The following KDM5A variants were observed in gnomAD, a reference collection of about 807,000 sequenced individuals.
KDM5A encodes lysine-specific demethylase 5A.
In KDM5A, 42 loss-of-function variants were observed where a neutral mutation model predicts 193.5. That is an observed-to-expected ratio of 0.22 (90% CI 0.17 to 0.28). The LOEUF is 0.28. Among genes scored for constraint, KDM5A ranks in the 10% least tolerant of loss-of-function variants. The pLI is 1.00. For missense variants in KDM5A, 1,692 were observed against 2,055.1 expected (o/e 0.82, Z 3.42); for synonymous variants, 796 against 718.1 (o/e 1.11, Z -1.73).
chr12:319,320 G>A (rs566134570), intron 18 of KDM5A, among the ~76,000 whole-genome samples: 1 of 152,224 alleles, frequency 6.6e-6, no homozygotes, highest in Non-Finnish European at 1.5e-5. Flanking sequence ...TTCCAGTGGT[G>A]TAGAGCATAG....
At position 331,230 on chromosome 12, in the gene KDM5A, C is replaced by T. The variant is rs75067276; in HGVS notation, c.1773+589G>A. ...TTGAAATTATCTGTATAAGCCTGAT[C>T]ACCTTAATAAGTCCCAAAATGCTCA... On this transcript the variant is annotated intron_variant, in intron 13 of 27. Transcript: ENST00000399788. Among the ~76,000 whole-genome samples, 355 of 152,210 alleles carry T rather than the reference C, an allele frequency of 2.3e-3. 2 individuals are homozygous for T. Among genetic ancestry groups the T allele is most frequent in the African/African-American group, 5.8e-3 (242 of 41,540 alleles).
At position 283,658 on chromosome 12, in the gene KDM5A, G is replaced by A. The variant is rs1943181883; in HGVS notation, c.*1798C>T. 4.3e-6 allele frequency: 1 copy of A among 232,862 alleles called. No individual in the cohort carries two copies. Among genetic ancestry groups the A allele is most frequent in the Non-Finnish European group, 8.5e-6 (1 of 117,796 alleles). The allele number at this position is 232,862 out of a possible 1,614,324, so 14.4% of individuals were successfully genotyped here. A position where few individuals can be genotyped will look rare whatever the true frequency, so the allele number is the denominator to read the frequency against. ...GAAGACAGTTCTTTAAAAGAGACTG[G>A]GGCAAAAAGGGAAGAGGAAACTATA... On this transcript the variant is annotated 3_prime_UTR_variant, in exon 28 of 28. Transcript: ENST00000399788.
rs1328960425 is a variant in KDM5A at position 322,510 on chromosome 12, T to G, written c.2333A>C (p.Asn778Thr). Residue 778 changes from asparagine (N) to threonine (T), a missense_variant, in exon 17 of 28, where the codon AAT (asparagine) becomes ACT (threonine). This residue lies in a region of KDM5A where 965 missense variants were observed against 1,061.0 expected (regional missense o/e 0.91). Transcript: ENST00000399788. ...EDAEDRKYPE[N>T]DLFRKLRDAV... is the part of the protein sequence containing the mutation. ...ATCCCTGAGTTTTCGAAAGAGATCA[T>G]TCTCTGGGTATTTCCTATCCTCAGC... 7 of 1,612,932 alleles carry G rather than the reference T, an allele frequency of 4.3e-6. No individual in the cohort carries two copies. In the African/African-American group the frequency reaches 9.3e-5, roughly 22 times the overall value.
intron 3 of KDM5A, among the ~76,000 whole-genome samples, chr12:377,540 CCAA>C (rs1294231661): frequency 6.6e-6 from 1 of 152,006 alleles, no homozygotes; most frequent in African/African-American, 2.4e-5. Flanking sequence ...GTTCTTCTCA[CCAA>C]CAAGACAATG....
intron 15 of KDM5A, 83 bp from the exon 16 acceptor site, chr12:323,289 T>G: frequency 3.6e-6 from 5 of 1,397,840 alleles, no homozygotes; most frequent in Non-Finnish European, 4.8e-6. Context: ...AAAAATAAAG[T>G]TTTAAATATA....
rs1044686858 is a variant in KDM5A, at chr12:283,267, T to G, written c.*2189A>C. The G allele has an allele frequency of 8.6e-6, 2 of 231,886 alleles. No individual in the cohort carries two copies. The highest frequency in any genetic ancestry group is 1.7e-5 in the Non-Finnish European group (2 of 116,988). The allele number at this position is 231,886 out of a possible 1,614,324, so 14.4% of individuals were successfully genotyped here. On this transcript the variant is annotated 3_prime_UTR_variant, in exon 28 of 28. Transcript: ENST00000399788. ...GCAAAAAATATTGTGCTTTCTTGTA[T>G]AACATCAACCAGAGGAAATTCTTAA...
Position 361,199 on chromosome 12 carries a change from T to C in KDM5A, c.672+1764A>G, listed in dbSNP as rs942289750. Among the ~76,000 whole-genome samples, 4 of 132,734 alleles carry C rather than the reference T, an allele frequency of 3.0e-5. No individual in the cohort carries two copies. The Admixed American group carries it at 3.5e-4, about 12-fold the overall frequency. 87.1% of individuals were successfully genotyped at this position (132,734 alleles called of 152,430 possible). On this transcript the variant is annotated intron_variant, in intron 5 of 27. Transcript: ENST00000399788. ...GCATTCCATGCAGCACCCCCCTCCA[T>C]TTTTTTTTTTCTGGAGACGGAGTCT...
At chr12:317,734 G>T (rs571092104) in intron 19 of KDM5A, among the ~76,000 whole-genome samples, 2 of 152,020 alleles carry the variant, frequency 1.3e-5, no homozygotes, top group South Asian at 2.1e-4. Flanking sequence ...TACCCCATGC[G>T]TGGGTCCAGA....
At chr12:293,398 C>T (rs879392083) in intron 26 of KDM5A, among the ~76,000 whole-genome samples, 2 of 152,146 alleles carry the variant, frequency 1.3e-5, no homozygotes, top group Non-Finnish European at 2.9e-5. Context: ...TTGCGTAACA[C>T]TGTCAATCTA....
At chr12:288,011 G>A (rs1220120878) in intron 27 of KDM5A, among the ~76,000 whole-genome samples, 1 of 152,046 alleles carries the variant, frequency 6.6e-6, no homozygotes, top group East Asian at 1.9e-4. Context: ...TTGAGATACT[G>A]GTACACAAAT....
intron 3 of KDM5A, among the ~76,000 whole-genome samples, chr12:378,398 C>G (rs1944534342): frequency 6.6e-6 from 1 of 152,100 alleles, no homozygotes; most frequent in Non-Finnish European, 1.5e-5. Context: ...GCTGTGACTA[C>G]AGGCGCATGC....
At chr12:328,096 C>T (rs991507179) in intron 14 of KDM5A, among the ~76,000 whole-genome samples, 1 of 152,188 alleles carries the variant, frequency 6.6e-6, no homozygotes, top group Non-Finnish European at 1.5e-5. Context: ...TATTCATTAT[C>T]TTGACTGCAG....
intron 24 of KDM5A, among the ~76,000 whole-genome samples, chr12:298,914 C>T (rs2137374745): frequency 6.6e-6 from 1 of 151,578 alleles, no homozygotes; most frequent in African/African-American, 2.4e-5. Flanking sequence ...ACACAAGTAT[C>T]AATAGCCGAA....
At chr12:308,062 C>T in intron 22 of KDM5A, 57 bp from the exon 23 acceptor site, 1 of 1,534,492 alleles carries the variant, frequency 6.5e-7, no homozygotes. Context: ...CCCCAAAATA[C>T]CAAATCCTCA....
intron 5 of KDM5A, among the ~76,000 whole-genome samples, chr12:359,298 T>G (rs1054588833): frequency 6.6e-6 from 1 of 152,214 alleles, no homozygotes; most frequent in Non-Finnish European, 1.5e-5. Context: ...GCACACCGTG[T>G]GCTCACATCA....
chr12:363,550 T>C (rs1944317535), intron 4 of KDM5A, among the ~76,000 whole-genome samples: 1 of 152,176 alleles, frequency 6.6e-6, no homozygotes, highest in African/African-American at 2.4e-5. Context: ...GCGCTGGTAC[T>C]ACTCAATATT....
chr12:311,274 T>C (rs1943583155), intron 20 of KDM5A: 2 of 576,344 alleles, frequency 3.5e-6, no homozygotes, highest in Admixed American at 3.0e-5. Flanking sequence ...TCATCAATGA[T>C]TTTATTTATT....
intron 8 of KDM5A, among the ~76,000 whole-genome samples, chr12:353,439 CTTTAA>C (rs1234142500): frequency 1.3e-5 from 2 of 152,088 alleles, no homozygotes; most frequent in East Asian, 3.8e-4. Context: ...TCTAGTTATA[CTTTAA>C]TTAATAGAGA....
intron 6 of KDM5A, among the ~76,000 whole-genome samples, chr12:356,087 G>A (rs1944226753): frequency 6.6e-6 from 1 of 152,146 alleles, no homozygotes; most frequent in Admixed American, 6.5e-5. Context: ...CCCAGTGTAT[G>A]TCGATACTAA....
Sources: allele counts gnomAD v4.1 joint callset (sites outside exome capture counted in the v4.1 genomes callset), GRCh38; gene constraint gnomAD v4.1.1; regional missense constraint gnomAD v4.1.1; transcripts MANE v1.5; gene names NCBI Gene and HGNC (gene_info 2026-07-23, HGNC 2026-07-21).